IL12RB1: variants seen among roughly 807,000 people sequenced by gnomAD.
IL12RB1 encodes the protein interleukin-12 receptor subunit beta-1.
A neutral mutation model predicts 94.4 loss-of-function variants in IL12RB1; 64 were observed. The ratio of observed to expected loss-of-function variants is 0.68; its 90% CI spans 0.55 to 0.83. The LOEUF (loss-of-function observed/expected upper bound fraction) is 0.83, where lower values mean the gene tolerates loss of function less well. Ranked by LOEUF, IL12RB1 falls within the 40% of genes least tolerant of loss-of-function variation. The probability of loss-of-function intolerance (pLI) is 0.00; values close to 1 mark genes in which losing one functional copy is unlikely to be tolerated. For synonymous variants in IL12RB1, 362 were observed against 355.5 expected (o/e 1.02, Z -0.21); for missense variants, 814 against 855.6 (o/e 0.95, Z 0.61).
At chr19:18,087,849 C>G (rs1216547173), upstream of IL12RB1, among the ~76,000 whole-genome samples, 7 of 152,134 alleles carry the variant, frequency 4.6e-5, no homozygotes, top group African/African-American at 1.7e-4. Flanking sequence ...ATCTGAGACT[C>G]AAGAGCTGAA....
chr19:18,061,144 A>G lies in IL12RB1; in HGVS notation c.1769T>C (p.Ile590Thr). 2 of 1,598,138 alleles carry G rather than the reference A, an allele frequency of 1.3e-6. No homozygotes were observed. The highest frequency in any genetic ancestry group is 1.1e-5 in the South Asian group (1 of 89,132). The change falls in exon 15 of 17, where the codon ATT (isoleucine) becomes ACT (threonine). Residue 590 changes from isoleucine to threonine, a missense_variant. By Grantham distance (89) the Ile-to-Thr change is moderately conservative (BLOSUM62 -1). Coordinates refer to ENST00000593993, the MANE Select transcript of IL12RB1 (RefSeq NM_005535.3). Reference sequence around the variant, plus strand: ...TACCTCCTTCCCTCCAGGGAACTCAATGGCGGAGCTGGCACAGGGTGTGGG... The same window carrying G: ...TACCTCCTTCCCTCCAGGGAACTCAGTGGCGGAGCTGGCACAGGGTGTGGG... ...PLPTPCASSA[I>T]EFPGGKETWQ... is the part of the protein sequence containing the mutation.
intron 1 of IL12RB1, among the ~76,000 whole-genome samples, chr19:18,096,896 A>G (rs559120924): frequency 2.4e-4 from 36 of 150,448 alleles, no homozygotes; most frequent in African/African-American, 8.6e-4. Context: ...TGTAATCCCA[A>G]CACTTTGGGA....
intron 3 of IL12RB1, among the ~76,000 whole-genome samples, chr19:18,081,847 AATGGATGGATGGATGGATGG>A (rs3048839): frequency 2.0e-5 from 3 of 148,404 alleles, no homozygotes; most frequent in Non-Finnish European, 4.5e-5. Flanking sequence ...AAAAAGAAAA[AATGGATGGATGGATGGATGG>A]ATGGATGGAT....
chr19:18,064,094 G>T (rs2034377541), intron 12 of IL12RB1, 84 bp from the exon 13 acceptor site: 1 of 897,884 alleles, frequency 1.1e-6, no homozygotes, highest in Admixed American at 2.2e-5. Context: ...TGTGGGTGGG[G>T]TGGGGATTCA....
chr19:18,077,400 G>A (rs1011922393), intron 5 of IL12RB1, 116 bp downstream of exon 5: 133 of 804,316 alleles, frequency 1.7e-4, no homozygotes, highest in Admixed American at 3.0e-4. Context: ...CACCTCAGGG[G>A]CTAGAGTGGG....
chr19:18,065,581 G>C (rs2034515930), intron 12 of IL12RB1, among the ~76,000 whole-genome samples: 1 of 152,184 alleles, frequency 6.6e-6, no homozygotes. Flanking sequence ...CCCTTTGGGA[G>C]GCCAAGGCGG....
intron 4 of IL12RB1, among the ~76,000 whole-genome samples, chr19:18,078,338 C>A (rs1599534291): frequency 6.6e-6 from 1 of 152,096 alleles, no homozygotes. Context: ...ACCCAGGAGG[C>A]GGAGGTTGTA....
intron 4 of IL12RB1, among the ~76,000 whole-genome samples, chr19:18,078,784 A>C (rs2035667327): frequency 6.6e-6 from 1 of 152,138 alleles, no homozygotes; most frequent in Non-Finnish European, 1.5e-5. Context: ...TTAGCATAAA[A>C]TAGTCTTGCT....
At chr19:18,061,220 G>A (rs1412211432) in intron 14 of IL12RB1, 23 bp from the exon 15 acceptor site, 2 of 1,307,792 alleles carry the variant, frequency 1.5e-6, no homozygotes, top group Non-Finnish European at 2.1e-6. Context: ...GGGGACCAGT[G>A]AGAGGAGCTG....
chr19:18,065,308 C>A (rs575799824), intron 12 of IL12RB1, among the ~76,000 whole-genome samples: 1 of 152,160 alleles, frequency 6.6e-6, no homozygotes, highest in African/African-American at 2.4e-5. Flanking sequence ...AGACAGTCAT[C>A]CCTGCTTGAT....
At chr19:18,081,150 C>G in intron 3 of IL12RB1, 149 bp from the exon 4 acceptor site, 1 of 718,136 alleles carries the variant, frequency 1.4e-6, no homozygotes. Flanking sequence ...GGCTGGAGTG[C>G]AGTCGCGCAA....
chr19:18,083,259 G>A (rs1284362528), intron 2 of IL12RB1, 173 bp downstream of exon 2: 3 of 720,630 alleles, frequency 4.2e-6, no homozygotes, highest in East Asian at 2.6e-5. Context: ...CTACTCCAGG[G>A]CAACTTGAAC....
Position 18,062,208 on chromosome 19 carries a change from C to T in IL12RB1, c.1688G>A (p.Gly563Asp), listed in dbSNP as rs2034189045. Residue 563 changes from glycine (G) to aspartate (D), a missense_variant, in exon 14 of 17, where the codon GGC becomes GAC. Gly to Asp is a moderately conservative substitution (Grantham distance 94, BLOSUM62 -1). Transcript: ENST00000593993. ...LGSFLSILLV[G>D]VLGYLGLNRA... ...GTTCAGGCCAAGGTAGCCAAGGACG[C>T]CCACGAGAAGGATGCTCAGGAAGCT... 1 of 1,613,244 alleles carries T rather than the reference C, an allele frequency of 6.2e-7. No homozygotes were observed. The highest frequency in any genetic ancestry group is 8.5e-7 in the Non-Finnish European group (1 of 1,179,380).
chr19:18,087,723 T>C (rs1352025289), upstream of IL12RB1, among the ~76,000 whole-genome samples: 1 of 151,538 alleles, frequency 6.6e-6, no homozygotes, highest in African/African-American at 2.4e-5. Context: ...GGTTTTGCCA[T>C]GTTGCCCAGG....
chr19:18,080,060 T>C (rs2035782875), intron 4 of IL12RB1, among the ~76,000 whole-genome samples: 1 of 151,920 alleles, frequency 6.6e-6, no homozygotes, highest in African/African-American at 2.4e-5. Context: ...TTTTTCTTTT[T>C]TTTCTTTTTT....
intron 9 of IL12RB1, chr19:18,071,356 T>A: frequency 1.0e-6 from 1 of 1,001,490 alleles, no homozygotes; most frequent in Non-Finnish European, 1.4e-6. Context: ...AAAAAAGAAA[T>A]TAGATCTTAA....
rs409802 is a variant in IL12RB1, at chr19:18,079,845, C to T, written c.409+987G>A. Among the ~76,000 whole-genome samples the T allele has an allele frequency of 6.7e-3, 1,023 of 151,798 alleles. 10 individuals carry two copies. The highest frequency in any genetic ancestry group is 0.024 in the African/African-American group (974 of 41,420). On this transcript the variant is annotated intron_variant, in intron 4 of 16. Coordinates refer to ENST00000593993, the MANE Select transcript of IL12RB1 (RefSeq NM_005535.3). ...CCAGGAGGCAGAGCTTGCAGTGAGC[C>T]GAGATCGCGCCACTGCACTCCAGCC...
chr19:18,086,269 TAAG>T, intron 1 of IL12RB1, among the ~76,000 whole-genome samples: 1 of 141,616 alleles, frequency 7.1e-6, no homozygotes, highest in South Asian at 2.2e-4. Context: ...AATAAATAAA[TAAG>T]TAAAGTATAC....
Position 18,059,386 on chromosome 19 carries a change from T to C in IL12RB1, c.*222A>G. Reference sequence around the variant, plus strand: ...GCCAGAACAGGTAAATGGCAGGGTCTGCTCCTGCCCCACGGATGCCAGGCC... The same window carrying C: ...GCCAGAACAGGTAAATGGCAGGGTCCGCTCCTGCCCCACGGATGCCAGGCC... On this transcript the variant is annotated 3_prime_UTR_variant, in exon 17 of 17. Transcript: ENST00000593993. 1.6e-6 allele frequency: 1 copy of C among 619,206 alleles called. No homozygotes were observed. Among genetic ancestry groups the C allele is most frequent in the Non-Finnish European group, 2.9e-6 (1 of 344,234 alleles). The allele number at this position is 619,206 out of a possible 1,614,324, so 38.4% of individuals were successfully genotyped here.
Sources: allele counts gnomAD v4.1 joint callset (sites outside exome capture counted in the v4.1 genomes callset), GRCh38; gene constraint gnomAD v4.1.1; transcripts MANE v1.5; gene names NCBI Gene and HGNC (gene_info 2026-07-23, HGNC 2026-07-21).